Variants in AKAP10 observed in about 807,000 individuals in gnomAD.
The protein encoded by AKAP10 is A-kinase anchoring protein 10.
In AKAP10, 24 loss-of-function variants were observed where a neutral mutation model predicts 80.8. The ratio of observed to expected loss-of-function variants is 0.30; its 90% CI spans 0.22 to 0.42. The LOEUF is 0.42. Among genes scored for constraint, AKAP10 ranks in the 10% least tolerant of loss-of-function variants. The probability of loss-of-function intolerance (pLI) is 1.00; values close to 1 mark genes in which losing one functional copy is unlikely to be tolerated. For missense variants in AKAP10, 661 were observed against 794.9 expected, an observed-to-expected ratio of 0.83 and a Z score of 2.03; for synonymous variants, 291 against 277.7, an observed-to-expected ratio of 1.05 and a Z score of -0.48.
At chr17:19,943,401 A>G (rs2152414826) in intron 5 of AKAP10, among the ~76,000 whole-genome samples, 1 of 152,288 alleles carries the variant, frequency 6.6e-6, no homozygotes, top group South Asian at 2.1e-4. Context: ...GCTGATCACC[A>G]ATAGCCAATG....
Position 19,905,719 on chromosome 17 carries a change from G to A in AKAP10, c.*508C>T, listed in dbSNP as rs111350956. On this transcript the variant is annotated 3_prime_UTR_variant, in exon 15 of 15. Transcript: ENST00000225737. ...GCATAATTAACTCTCACCCTGTTCCGCTGAAGCTGCTAGCACCACGCTGCC... is the reference window on the plus strand; with the variant it reads ...GCATAATTAACTCTCACCCTGTTCCACTGAAGCTGCTAGCACCACGCTGCC... The A allele has an allele frequency of 3.9e-3, 595 of 153,030 alleles. 3 individuals are homozygous for A. The highest frequency in any genetic ancestry group is 0.014 in the African/African-American group (560 of 41,390). 9.5% of individuals were successfully genotyped at this position (153,030 alleles called of 1,614,324 possible).
At chr17:19,908,651 T>A (rs1400742928) in intron 14 of AKAP10, among the ~76,000 whole-genome samples, 2 of 152,196 alleles carry the variant, frequency 1.3e-5, no homozygotes, top group African/African-American at 4.8e-5. Context: ...AACTTTGATT[T>A]TTTTTTTGAA....
intron 9 of AKAP10, among the ~76,000 whole-genome samples, chr17:19,933,061 C>CG (rs1355772920): frequency 3.6e-4 from 55 of 152,182 alleles, no homozygotes; most frequent in African/African-American, 1.3e-3. Context: ...TTTTGTCCCC[C>CG]GGGCTGGAAT....
intron 13 of AKAP10, among the ~76,000 whole-genome samples, 179 bp downstream of exon 13, chr17:19,909,747 C>T (rs1356074191): frequency 6.6e-6 from 1 of 152,166 alleles, no homozygotes; most frequent in Non-Finnish European, 1.5e-5. Context: ...CTGCTACTAC[C>T]AGGCAATTGT....
chr17:19,906,250 A>C lies in AKAP10; in HGVS notation c.1984-18T>G. 6.2e-7 allele frequency: 1 copy of C among 1,602,654 alleles called. No individual in the cohort carries two copies. The highest frequency in any genetic ancestry group is 8.5e-7 in the Non-Finnish European group (1 of 1,177,004). ...AGTCATAACTGAAAAAAGAAAAGAA[A>C]AGAAAATGGTAAGGTGCATTTCTCT... On this transcript the variant is annotated intron_variant, in intron 14 of 14. Coordinates refer to ENST00000225737, the MANE Select transcript of AKAP10 (RefSeq NM_007202.4).
intron 1 of AKAP10, among the ~76,000 whole-genome samples, chr17:19,973,045 T>C (rs374878198): frequency 3.3e-5 from 5 of 152,318 alleles, no homozygotes; most frequent in African/African-American, 9.6e-5. Context: ...AGTGGTGCTA[T>C]CTCAGCTCAC....
chr17:19,908,089 TC>T (rs2042650308), intron 14 of AKAP10, among the ~76,000 whole-genome samples: 1 of 150,828 alleles, frequency 6.6e-6, no homozygotes, highest in East Asian at 2.0e-4. Flanking sequence ...GGTCTTGAAC[TC>T]CTGACCTCAG....
chr17:19,956,588 G>A (rs935002258), intron 4 of AKAP10, among the ~76,000 whole-genome samples: 2 of 152,132 alleles, frequency 1.3e-5, no homozygotes, highest in Middle Eastern at 3.2e-3. Flanking sequence ...CTGGGGTCTT[G>A]CTGTGTTGCC....
chr17:19,966,303 C>T (rs910260460), intron 2 of AKAP10, among the ~76,000 whole-genome samples: 4 of 151,994 alleles, frequency 2.6e-5, no homozygotes, highest in African/African-American at 2.4e-5. Flanking sequence ...CAAGTCCGTT[C>T]ACATCTCTTT....
At position 19,918,199 on chromosome 17, in the gene AKAP10, C is replaced by A. The variant is rs189627669; in HGVS notation, c.1834+1837G>T. Among the ~76,000 whole-genome samples the A allele has an allele frequency of 4.0e-4, 57 of 143,168 alleles. 1 individual carries two copies. Among genetic ancestry groups the A allele is most frequent in the Middle Eastern group, 7.4e-3 (2 of 270 alleles). 93.9% of individuals were successfully genotyped at this position (143,168 alleles called of 152,430 possible). ...CGCACCATTGCACTCCAGCTCTGGG[C>A]GACACAGCAAGACTCCGTCTCAAAC... On this transcript the variant is annotated intron_variant, in intron 12 of 14. Transcript: ENST00000225737.
At chr17:19,918,464 C>T (rs776937373) in intron 12 of AKAP10, among the ~76,000 whole-genome samples, 8 of 152,180 alleles carry the variant, frequency 5.3e-5, no homozygotes, top group Middle Eastern at 3.4e-3. Context: ...AACCCGGAGG[C>T]GGGTGCACAG....
chr17:19,946,240 TATATATATATA>T (rs2043115440), intron 5 of AKAP10, among the ~76,000 whole-genome samples: 3 of 14,582 alleles, frequency 2.1e-4, no homozygotes, highest in South Asian at 4.2e-3. Context: ...ATATATATTA[TATATATATATA>T]TATATATATA....
chr17:19,958,692 C>A, intron 3 of AKAP10, 121 bp from the exon 4 acceptor site: 1 of 776,830 alleles, frequency 1.3e-6, no homozygotes. Flanking sequence ...TACTTCCTAG[C>A]AACTAAAGTA....
chr17:19,958,584 A>C lies in AKAP10; in HGVS notation c.320-13T>G. The stretch of plus-strand genomic sequence containing the variant: ...AGACAAGATCTGCCTAAAAGATAGA[A>C]GCAAAAGAATTAGCAGTTCAGCAAC... On this transcript the variant is annotated splice_polypyrimidine_tract_variant and intron_variant, in intron 3 of 14. Transcript: ENST00000225737. 1 of 1,572,906 alleles carries C rather than the reference A, an allele frequency of 6.4e-7. No individual in the cohort carries two copies. Among genetic ancestry groups the C allele is most frequent in the Non-Finnish European group, 8.6e-7 (1 of 1,166,516 alleles).
intron 5 of AKAP10, among the ~76,000 whole-genome samples, chr17:19,944,554 C>G (rs2043083441): frequency 6.6e-6 from 1 of 152,094 alleles, no homozygotes; most frequent in Admixed American, 6.5e-5. Context: ...ACTTGGGAGG[C>G]TGAGGCAGGG....
intron 12 of AKAP10, among the ~76,000 whole-genome samples, chr17:19,913,810 T>A (rs182350456): frequency 2.5e-3 from 379 of 152,272 alleles, no homozygotes; most frequent in Non-Finnish European, 4.6e-3. Flanking sequence ...TACATAAATA[T>A]AATCCGTAAT....
rs774240437 is a variant in AKAP10 at position 19,931,983 on chromosome 17, T to C, written c.1468-5A>G. 6.8e-6 allele frequency: 11 copies of C among 1,606,140 alleles called. No individual in the cohort carries two copies. The highest frequency in any genetic ancestry group is 5.4e-5 in the African/African-American group (4 of 74,410). The stretch of plus-strand genomic sequence containing the variant: ...CAAAAAGCCAGGCAAAAAGACCTGA[T>C]AGAGATGAAAAGCATTATTTTAAAG... On this transcript the variant is annotated splice_polypyrimidine_tract_variant and splice_region_variant and intron_variant, in intron 9 of 14. Coordinates refer to ENST00000225737, the MANE Select transcript of AKAP10 (RefSeq NM_007202.4).
At chr17:19,932,918 G>C (rs868574529) in intron 9 of AKAP10, among the ~76,000 whole-genome samples, 4 of 151,402 alleles carry the variant, frequency 2.6e-5, no homozygotes, top group Admixed American at 6.6e-5. Flanking sequence ...CTAATTCTAC[G>C]AAGGAAAAGT....
At chr17:19,951,987 C>T (rs2043221137) in intron 4 of AKAP10, among the ~76,000 whole-genome samples, 1 of 148,168 alleles carries the variant, frequency 6.7e-6, no homozygotes, top group Admixed American at 6.7e-5. Context: ...AACTGGTAAT[C>T]TAAATCCAAA....
Sources: allele counts gnomAD v4.1 joint callset (sites outside exome capture counted in the v4.1 genomes callset), GRCh38; gene constraint gnomAD v4.1.1; transcripts MANE v1.5; gene names NCBI Gene and HGNC (gene_info 2026-07-23, HGNC 2026-07-21).